Variants in NPAT observed in about 807,000 individuals in gnomAD.
NPAT encodes nuclear protein, coactivator of histone transcription.
A neutral mutation model predicts 130.7 loss-of-function variants in NPAT; 52 were observed. The observed-to-expected ratio is 0.40, with a 90% CI of 0.32 to 0.50. The LOEUF is 0.50. Ranked by LOEUF, NPAT falls within the 20% of genes least tolerant of loss-of-function variation. NPAT has a pLI of 0.68. For synonymous variants in NPAT, 580 were observed against 584.8 expected (o/e 0.99, Z 0.12); for missense variants, 1,687 against 1,662.6 (o/e 1.01, Z -0.26).
In NPAT at chr11:108,160,932, G is replaced by C; in HGVS notation, c.4154C>G (p.Ser1385Cys). The C allele has an allele frequency of 6.2e-7, 1 of 1,614,000 alleles. No individual in the cohort carries two copies. Among genetic ancestry groups the C allele is most frequent in the Non-Finnish European group, 8.5e-7 (1 of 1,179,976 alleles). ...TGATGAATTTGTAAGATTTTTACTA[G>C]AAGGACGAGAGTTTCGCTCACGTTC... ...LDERERNSRP[S>C]SKNLTNSSIP... Residue 1385 changes from serine to cysteine, a missense_variant, in exon 17 of 18, where the codon TCT (serine) becomes TGT (cysteine). Around this residue, in one of 3 missense-constraint regions of NPAT, gnomAD observed 1,379 missense variants for 1,346.6 expected, o/e 1.02. Coordinates refer to ENST00000278612, the MANE Select transcript of NPAT (RefSeq NM_002519.3).
At chr11:108,216,729 G>A (rs1157141547) in intron 1 of NPAT, among the ~76,000 whole-genome samples, 2 of 152,150 alleles carry the variant, frequency 1.3e-5, no homozygotes, top group Non-Finnish European at 2.9e-5. Flanking sequence ...AGATGGGGCT[G>A]TTAAAAGCTA....
At chr11:108,184,553 C>T (rs2078087266) in intron 10 of NPAT, among the ~76,000 whole-genome samples, 1 of 151,042 alleles carries the variant, frequency 6.6e-6, no homozygotes, top group Admixed American at 6.6e-5. Flanking sequence ...TTTTTTGAGA[C>T]AGGGTCTTGC....
intron 1 of NPAT, among the ~76,000 whole-genome samples, chr11:108,199,056 A>T (rs568949777): frequency 2.6e-5 from 4 of 152,290 alleles, no homozygotes; most frequent in African/African-American, 7.2e-5. Flanking sequence ...GGGTAGAGGG[A>T]CGGAATGAGC....
In NPAT at chr11:108,170,003, G is replaced by C. The variant is rs1328434171; in HGVS notation, c.2826C>G (p.Leu942=). 1 of 1,613,770 alleles carries C rather than the reference G, an allele frequency of 6.2e-7. No individual in the cohort carries two copies. The change falls in exon 14 of 18, where the codon CTC becomes CTG. Residue 942 remains leucine, a synonymous_variant. Coordinates refer to ENST00000278612, the MANE Select transcript of NPAT (RefSeq NM_002519.3). ...CTGGGATCATCCCTACCATTCCTTG[G>C]AGTACAGGCTGGACTGGAGAGGCAA... The part of the protein sequence containing the change: ...IIIASPVQPV[L]QGMVGMIPVS...
intron 1 of NPAT, among the ~76,000 whole-genome samples, chr11:108,214,786 C>T (rs2078418022): frequency 6.6e-6 from 1 of 152,090 alleles, no homozygotes; most frequent in South Asian, 2.1e-4. Flanking sequence ...ACGCCTGCCA[C>T]CATGCCTGGC....
At chr11:108,164,809 C>T (rs2077885632) in intron 15 of NPAT, among the ~76,000 whole-genome samples, 2 of 151,886 alleles carry the variant, frequency 1.3e-5, no homozygotes, top group South Asian at 2.1e-4. Context: ...GTCAGGAGTT[C>T]GAGACCAGCC....
In NPAT at chr11:108,160,985, T is replaced by C. The variant is rs2077841529; in HGVS notation, c.4101A>G (p.Thr1367=). 6.2e-7 allele frequency: 1 copy of C among 1,614,122 alleles called. No homozygotes were observed. Residue 1367 remains threonine (T), a synonymous_variant, in exon 17 of 18, where the codon ACA becomes ACG. Coordinates refer to ENST00000278612, the MANE Select transcript of NPAT (RefSeq NM_002519.3). The part of the protein sequence containing the change: ...QQFRASSRST[T]KKRKIEELDE... Reference sequence around the variant, plus strand: ...CTAATTCCTCAATTTTCCGCTTTTTTGTGGTGCTCCTTGAAGATGCTCTAA... The same window carrying C: ...CTAATTCCTCAATTTTCCGCTTTTTCGTGGTGCTCCTTGAAGATGCTCTAA...
At chr11:108,198,462 T>C (rs2078244904) in intron 1 of NPAT, among the ~76,000 whole-genome samples, 3 of 151,914 alleles carry the variant, frequency 2.0e-5, no homozygotes, top group East Asian at 3.9e-4. Context: ...ATAGAAAATA[T>C]GAATAAAGAA....
intron 7 of NPAT, 61 bp downstream of exon 7, chr11:108,188,037 T>C (rs2078124811): frequency 8.5e-7 from 1 of 1,169,652 alleles, no homozygotes; most frequent in Non-Finnish European, 1.3e-6. Flanking sequence ...TATCCTGATG[T>C]AATTCTTTTT....
At chr11:108,200,119 T>A (rs1030477888) in intron 1 of NPAT, among the ~76,000 whole-genome samples, 3 of 152,300 alleles carry the variant, frequency 2.0e-5, no homozygotes, top group Non-Finnish European at 4.4e-5. Context: ...AGAGGTTATT[T>A]CCCTCAGGCA....
intron 2 of NPAT, 78 bp downstream of exon 2, chr11:108,197,223 TC>T: frequency 9.5e-7 from 1 of 1,050,028 alleles, no homozygotes; most frequent in Admixed American, 1.7e-5. Context: ...ATTTTTTTTT[TC>T]TGATAAGCTG....
intron 10 of NPAT, among the ~76,000 whole-genome samples, chr11:108,181,461 T>C (rs2078057569): frequency 9.0e-6 from 1 of 111,506 alleles, no homozygotes; most frequent in African/African-American, 2.7e-5. Flanking sequence ...CGAGACTCTG[T>C]CTCAAAAAAA....
At chr11:108,201,761 T>C (rs1292664768) in intron 1 of NPAT, among the ~76,000 whole-genome samples, 1 of 152,188 alleles carries the variant, frequency 6.6e-6, no homozygotes. Flanking sequence ...TCCTCAAATA[T>C]TAAGCTGTGC....
intron 12 of NPAT, among the ~76,000 whole-genome samples, 162 bp downstream of exon 12, chr11:108,176,084 A>C (rs993556206): frequency 6.6e-6 from 1 of 152,244 alleles, no homozygotes; most frequent in Non-Finnish European, 1.5e-5. Flanking sequence ...CTTTTAATCA[A>C]ACTACCAAAG....
In NPAT at chr11:108,176,308, C is replaced by A; in HGVS notation, c.1070G>T (p.Ser357Ile). ...ATTAGTTTCATCTGCTAAGACTATA[C>A]TGGGATTGGATTCCATAGGTTGACT... ...ISSQPMESNP[S>I]IVLADETNLA... Residue 357 changes from serine (S) to isoleucine (I), a missense_variant, in exon 12 of 18, where the codon AGT becomes ATT. This residue lies in a region of NPAT where 1,379 missense variants were observed against 1,346.6 expected (regional missense o/e 1.02). Coordinates refer to ENST00000278612, the MANE Select transcript of NPAT (RefSeq NM_002519.3). 6.3e-7 allele frequency: 1 copy of A among 1,575,996 alleles called. No individual in the cohort carries two copies. Among genetic ancestry groups the A allele is most frequent in the East Asian group, 2.2e-5 (1 of 44,556 alleles).
At chr11:108,214,895 A>G (rs1411568169) in intron 1 of NPAT, among the ~76,000 whole-genome samples, 1 of 152,182 alleles carries the variant, frequency 6.6e-6, no homozygotes, top group African/African-American at 2.4e-5. Flanking sequence ...GGCCTCCCAA[A>G]GTGCTGGGAT....
intron 1 of NPAT, among the ~76,000 whole-genome samples, chr11:108,206,593 A>G (rs2078327362): frequency 6.6e-6 from 1 of 152,110 alleles, no homozygotes; most frequent in Non-Finnish European, 1.5e-5. Flanking sequence ...AGCCCCAAAG[A>G]GGGTGTCACA....
chr11:108,216,430 C>G (rs530633862), intron 1 of NPAT, among the ~76,000 whole-genome samples: 1 of 151,534 alleles, frequency 6.6e-6, no homozygotes, highest in African/African-American at 2.4e-5. Context: ...ATGCATAAAT[C>G]ACAGATACAC....
At chr11:108,202,982 A>T (rs751201900) in intron 1 of NPAT, among the ~76,000 whole-genome samples, 1 of 152,208 alleles carries the variant, frequency 6.6e-6, no homozygotes, top group Non-Finnish European at 1.5e-5. Flanking sequence ...TCTCAAAGGC[A>T]GTAGGCATAC....
Sources: gnomAD v4.1 joint callset for allele counts (sites outside exome capture counted in the v4.1 genomes callset) on GRCh38, gnomAD v4.1.1 for gene constraint, gnomAD v4.1.1 regional missense constraint, MANE v1.5 for transcripts, NCBI Gene and HGNC (gene_info 2026-07-23, HGNC 2026-07-21) for gene names.